Variants in MGAM observed in about 807,000 individuals in gnomAD.
The protein encoded by MGAM is alpha-1,4-glucosidase.
A neutral mutation model predicts 358.8 loss-of-function variants in MGAM; 253 were observed. The ratio of observed to expected loss-of-function variants is 0.71; its 90% CI spans 0.64 to 0.78. The LOEUF is 0.78. MGAM is among the 30% of genes least tolerant of loss of function. MGAM has a pLI of 0.00. For missense variants in MGAM, 3,080 were observed against 3,432.6 expected (o/e 0.90, Z 2.57); for synonymous variants, 1,105 against 1,227.1 (o/e 0.90, Z 2.08).
rs373158040 is a variant in MGAM, at chr7:142,066,705, C to A, written c.4903C>A (p.Arg1635=). The stretch of plus-strand genomic sequence containing the variant: ...CCACACGGAGGGCGTCACTGTTGTG[C>A]GGCCTCTGCTCCATGAGTGAGTGTC... ...KAHTEGVTVV[R]PLLHEFVSDQ... Residue 1635 remains arginine (R), a synonymous_variant, in exon 41 of 71, where the codon CGG becomes AGG. Transcript: ENST00000475668. 16 of 1,555,076 alleles carry A rather than the reference C, an allele frequency of 1.0e-5. 1 individual carries two copies. In the African/African-American group the frequency reaches 1.7e-4, roughly 17 times the overall value.
At chr7:141,998,867 C>T (rs1554449722) in intron 1 of MGAM, among the ~76,000 whole-genome samples, 1 of 152,032 alleles carries the variant, frequency 6.6e-6, no homozygotes, top group Admixed American at 6.6e-5. Flanking sequence ...ATTTACACTC[C>T]CAACAGTGTA....
chr7:142,044,600 GTGTA>G (rs1209494103), intron 21 of MGAM, among the ~76,000 whole-genome samples: 5 of 120,422 alleles, frequency 4.2e-5, no homozygotes, highest in African/African-American at 1.2e-4. Flanking sequence ...TTATATACAC[GTGTA>G]ATATATGATA....
At chr7:142,054,207 T>A (rs1284444065) in intron 26 of MGAM, among the ~76,000 whole-genome samples, 2 of 152,242 alleles carry the variant, frequency 1.3e-5, no homozygotes, top group African/African-American at 4.8e-5. Context: ...CCACGTGTTG[T>A]GAGCTGCTCT....
intron 66 of MGAM, among the ~76,000 whole-genome samples, chr7:142,098,592 C>T (rs1256461812): frequency 6.6e-6 from 1 of 152,138 alleles, no homozygotes; most frequent in East Asian, 1.9e-4. Context: ...CAAGTCCTCT[C>T]CACAGCCCCA....
At chr7:142,026,533 T>C (rs1399644797) in intron 8 of MGAM, among the ~76,000 whole-genome samples, 3 of 151,814 alleles carry the variant, frequency 2.0e-5, no homozygotes, top group Non-Finnish European at 4.4e-5. Context: ...AATTAATAGG[T>C]GAAAGGGAAT....
chr7:142,078,124 C>T (rs1202081818), intron 47 of MGAM, among the ~76,000 whole-genome samples, 194 bp from the exon 48 acceptor site: 1 of 145,910 alleles, frequency 6.9e-6, no homozygotes, highest in Non-Finnish European at 1.6e-5. Flanking sequence ...AGTCATATGC[C>T]CTGTTACTGC....
intron 32 of MGAM, 47 bp downstream of exon 32, chr7:142,059,647 G>A (rs370634883): frequency 3.7e-6 from 6 of 1,607,182 alleles, no homozygotes; most frequent in Non-Finnish European, 3.4e-6. Flanking sequence ...AGCAGGTATG[G>A]GCTTTGGTGG....
chr7:142,096,794 G>A (rs1187777522), intron 65 of MGAM, among the ~76,000 whole-genome samples: 1 of 152,198 alleles, frequency 6.6e-6, no homozygotes, highest in Non-Finnish European at 1.5e-5. Context: ...GGCAATGTGT[G>A]TGTACTTGTA....
chr7:142,101,766 G>C (rs1373597094), intron 68 of MGAM, among the ~76,000 whole-genome samples: 3 of 151,866 alleles, frequency 2.0e-5, no homozygotes, highest in Non-Finnish European at 4.4e-5. Context: ...AAATTAGCTG[G>C]GCATGGTGGC....
At position 142,022,351 on chromosome 7, in the gene MGAM, G is replaced by A; in HGVS notation, c.794G>A (p.Gly265Asp). The stretch of plus-strand genomic sequence containing the variant: ...CGACTGCCTAGCACTAACGTGTATG[G>A]CCTGGGAGAGCATGTGCACCAGCAG... ...STRLPSTNVYGLGEHVHQQYR... is the reference protein window; with the variant it reads ...STRLPSTNVYDLGEHVHQQYR... The change falls in exon 7 of 71, where the codon GGC becomes GAC. Residue 265 changes from glycine to aspartate, a missense_variant. Coordinates refer to ENST00000475668, the MANE Select transcript of MGAM (RefSeq NM_001365693.1). The A allele has an allele frequency of 2.5e-6, 4 of 1,613,672 alleles. No individual in the cohort carries two copies. The highest frequency in any genetic ancestry group is 3.4e-6 in the Non-Finnish European group (4 of 1,179,692).
At chr7:142,072,238 A>G (rs1212808881) in intron 44 of MGAM, among the ~76,000 whole-genome samples, 1 of 146,068 alleles carries the variant, frequency 6.8e-6, no homozygotes, top group Admixed American at 6.9e-5. Flanking sequence ...ATCTCCTGCC[A>G]TACCTCCATG....
At chr7:142,009,128 A>G (rs1476962731) in intron 3 of MGAM, among the ~76,000 whole-genome samples, 1 of 152,234 alleles carries the variant, frequency 6.6e-6, no homozygotes, top group East Asian at 1.9e-4. Flanking sequence ...CAGAATTTCC[A>G]AAGCTCATCT....
chr7:142,049,784 A>G (rs1225598506), intron 22 of MGAM, among the ~76,000 whole-genome samples: 1 of 152,200 alleles, frequency 6.6e-6, no homozygotes. Flanking sequence ...GAAATAATAA[A>G]AAAGATAAGA....
intron 21 of MGAM, among the ~76,000 whole-genome samples, chr7:142,044,600 G>T (rs1474381201): frequency 3.3e-5 from 4 of 120,426 alleles, no homozygotes; most frequent in African/African-American, 9.4e-5. Flanking sequence ...TTATATACAC[G>T]TGTAATATAT....
At chr7:142,063,183 C>T (rs575774431) in intron 35 of MGAM, among the ~76,000 whole-genome samples, 4 of 150,816 alleles carry the variant, frequency 2.7e-5, no homozygotes, top group African/African-American at 9.7e-5. Flanking sequence ...GGGAAACAAG[C>T]ATAACTCCAT....
chr7:142,095,974 C>T (rs1429587428), intron 64 of MGAM: 2 of 625,366 alleles, frequency 3.2e-6, no homozygotes, highest in Non-Finnish European at 5.5e-6. Context: ...GTGCAAAGGC[C>T]TATCTATCTT....
At chr7:142,058,155 A>G (rs754987268) in intron 30 of MGAM, 48 bp from the exon 31 acceptor site, 11 of 1,611,336 alleles carry the variant, frequency 6.8e-6, no homozygotes, top group African/African-American at 2.7e-5. Flanking sequence ...TAAAACTTCA[A>G]TGTGGTGCCT....
rs762455641 is a variant in MGAM at position 142,063,533 on chromosome 7, C to A, written c.4292C>A (p.Ala1431Glu). ...MNEPSSFVNG[A>E]VSPGCRDASL... ...GAACCATCAAGCTTCGTGAATGGGG[C>A]AGTTTCTCCAGGCTGCAGGGACGCC... is the stretch of plus-strand genomic sequence containing the variant. Residue 1431 changes from alanine to glutamate, a missense_variant, in exon 36 of 71, where the codon GCA (alanine) becomes GAA (glutamate). Ala to Glu is a moderately radical substitution (Grantham distance 107). Coordinates refer to ENST00000475668, the MANE Select transcript of MGAM (RefSeq NM_001365693.1). 3 of 1,613,740 alleles carry A rather than the reference C, an allele frequency of 1.9e-6. No individual in the cohort carries two copies. Among genetic ancestry groups the A allele is most frequent in the South Asian group, 2.2e-5 (2 of 91,018 alleles).
At chr7:142,006,484 T>A (rs1277522656) in intron 2 of MGAM, among the ~76,000 whole-genome samples, 4 of 152,154 alleles carry the variant, frequency 2.6e-5, no homozygotes, top group African/African-American at 9.7e-5. Flanking sequence ...GGAAAATGCC[T>A]TGAGTATCCC....
Sources: allele counts gnomAD v4.1 joint callset (sites outside exome capture counted in the v4.1 genomes callset), GRCh38; gene constraint gnomAD v4.1.1; transcripts MANE v1.5; gene names NCBI Gene and HGNC (gene_info 2026-07-23, HGNC 2026-07-21).